Variants in CNOT10 observed in about 807,000 individuals in gnomAD.
CNOT10 encodes CCR4-NOT transcription complex, subunit 10.
A neutral mutation model predicts 94.6 loss-of-function variants in CNOT10; 30 were observed. The observed-to-expected ratio is 0.32, with a 90% CI of 0.24 to 0.43. The LOEUF (loss-of-function observed/expected upper bound fraction) is 0.43, where lower values mean the gene tolerates loss of function less well. Ranked by LOEUF, CNOT10 falls within the 20% of genes least tolerant of loss-of-function variation. CNOT10 has a pLI of 1.00. For synonymous variants in CNOT10, 289 were observed against 301.6 expected (o/e 0.96, Z 0.43); for missense variants, 759 against 877.2 (o/e 0.87, Z 1.70).
In CNOT10 at chr3:32,727,683, G is replaced by T; in HGVS notation, c.1028G>T (p.Gly343Val). 1 of 1,612,124 alleles carries T rather than the reference G, an allele frequency of 6.2e-7. No homozygotes were observed. Among genetic ancestry groups the T allele is most frequent in the Non-Finnish European group, 8.5e-7 (1 of 1,178,926 alleles). The change falls in exon 10 of 19, where the codon GGA (glycine) becomes GTA (valine). Residue 343 changes from glycine (G) to valine (V), a missense_variant. Gly to Val is a moderately radical substitution (Grantham distance 109). Coordinates refer to ENST00000328834, the MANE Select transcript of CNOT10 (RefSeq NM_015442.3). ...TTATCACTAGGTAAAAAATTTTCAGGAAGACCCATGTGTACGTTACTAACC... is the reference window on the plus strand; with the variant it reads ...TTATCACTAGGTAAAAAATTTTCAGTAAGACCCATGTGTACGTTACTAACC... ...GSTDPGKKFS[G>V]RPMCTLLTNK... is the part of the protein sequence containing the mutation.
At chr3:32,732,653 C>G (rs893900168) in intron 10 of CNOT10, among the ~76,000 whole-genome samples, 1 of 151,760 alleles carries the variant, frequency 6.6e-6, no homozygotes, top group African/African-American at 2.4e-5. Context: ...GTTGCCCAGG[C>G]TGGTCTCACA....
intron 1 of CNOT10, among the ~76,000 whole-genome samples, chr3:32,690,356 T>A (rs935982440): frequency 6.6e-6 from 1 of 152,160 alleles, no homozygotes; most frequent in Admixed American, 6.6e-5. Context: ...TTAAATGATA[T>A]AATCTCAGGC....
chr3:32,748,413 A>G (rs917966150), intron 13 of CNOT10, among the ~76,000 whole-genome samples: 3 of 152,188 alleles, frequency 2.0e-5, no homozygotes, highest in East Asian at 1.9e-4. Context: ...TCTTTGATTT[A>G]GATGTGAATG....
chr3:32,704,958 C>T lies in CNOT10; in HGVS notation c.265C>T (p.Gln89Ter). The T allele has an allele frequency of 6.5e-7, 1 of 1,534,326 alleles. No individual in the cohort carries two copies. The highest frequency in any genetic ancestry group is 8.7e-7 in the Non-Finnish European group (1 of 1,152,782). ...TTDNLRQTLN[Q>*]LKNQVHSAVE... ...AGATAATTTGAGACAAACACTTAACCAGCTGAAGAATCAGGTGATACATAA... is the reference window on the plus strand; with the variant it reads ...AGATAATTTGAGACAAACACTTAACTAGCTGAAGAATCAGGTGATACATAA... The change falls in exon 3 of 19, where the codon CAG becomes TAG. Residue 89 changes from glutamine to a stop codon, truncating the protein, a stop_gained. Transcript: ENST00000328834. LOFTEE classifies it high-confidence loss of function.
In CNOT10 at chr3:32,766,547, G is replaced by C. The variant is rs11928881; in HGVS notation, c.2004+1738G>C. The stretch of plus-strand genomic sequence containing the variant: ...ACTCGGGCGGCTGAGGCAGGAGAAT[G>C]GCATGAACCCGGGAGGTGGAGCTTG... On this transcript the variant is annotated intron_variant, in intron 17 of 18. Coordinates refer to ENST00000328834, the MANE Select transcript of CNOT10 (RefSeq NM_015442.3). Among the ~76,000 whole-genome samples, 13 of 11,350 alleles carry C rather than the reference G, an allele frequency of 1.1e-3. 1 individual carries two copies. The highest frequency in any genetic ancestry group is 2.5e-3 in the Admixed American group (2 of 800). 7.4% of individuals were successfully genotyped at this position (11,350 alleles called of 152,430 possible).
At chr3:32,710,780 G>T (rs113301401) in intron 4 of CNOT10, among the ~76,000 whole-genome samples, 3,348 of 152,128 alleles carry the variant, frequency 0.022, 49 homozygotes, top group East Asian at 0.047. Flanking sequence ...GAGTGCAGTG[G>T]CGTGAACTCC....
intron 13 of CNOT10, chr3:32,753,577 G>C (rs1222204421): frequency 6.3e-7 from 1 of 1,586,640 alleles, no homozygotes; most frequent in Non-Finnish European, 8.6e-7. Flanking sequence ...GGAAAAGCTA[G>C]AGGAGCAAGG....
At chr3:32,715,997 C>T (rs532031980) in intron 5 of CNOT10, 3 of 358,522 alleles carry the variant, frequency 8.4e-6, no homozygotes, top group Non-Finnish European at 1.0e-5. Flanking sequence ...TGTAGAGATG[C>T]GATTTTGCCA....
At chr3:32,700,171 T>G (rs1697270567) in intron 1 of CNOT10, among the ~76,000 whole-genome samples, 1 of 151,970 alleles carries the variant, frequency 6.6e-6, no homozygotes, top group African/African-American at 2.4e-5. Flanking sequence ...AGATGGGGTT[T>G]TACCATGTTG....
In CNOT10 at chr3:32,685,359, T is replaced by C. The variant is rs557261744; in HGVS notation, c.-102T>C. The C allele has an allele frequency of 1.4e-6, 2 of 1,392,578 alleles. No homozygotes were observed. The highest frequency in any genetic ancestry group is 2.5e-5 in the East Asian group (1 of 39,752). The allele number at this position is 1,392,578 out of a possible 1,614,324, so 86.3% of individuals were successfully genotyped here. ...GGAACCTGGGGGCCCGGAGCCGGGG[T>C]AGGCACAGAGTTGTCCTCGGAGGTC... is the stretch of plus-strand genomic sequence containing the variant. On this transcript the variant is annotated 5_prime_UTR_variant, in exon 1 of 19. Coordinates refer to ENST00000328834, the MANE Select transcript of CNOT10 (RefSeq NM_015442.3).
At chr3:32,689,807 T>C (rs1696776513) in intron 1 of CNOT10, among the ~76,000 whole-genome samples, 2 of 151,954 alleles carry the variant, frequency 1.3e-5, no homozygotes, top group Admixed American at 1.3e-4. Context: ...AAAAAAAAAT[T>C]AGCTAGGCAT....
Position 32,704,869 on chromosome 3 carries a change from A to T in CNOT10, c.176A>T (p.Asp59Val), listed in dbSNP as rs749556054. ...HLACLQDINK[D>V]DYKIILNTAV... ...GCCTGTCTACAAGATATAAACAAAG[A>T]TGATTATAAAATAATTTTGAATACA... Residue 59 changes from aspartate (D) to valine (V), a missense_variant, in exon 3 of 19, where the codon GAT becomes GTT. Asp to Val is a radical substitution (Grantham distance 152). Transcript: ENST00000328834. 8.3e-6 allele frequency: 13 copies of T among 1,575,716 alleles called. No individual in the cohort carries two copies. The highest frequency in any genetic ancestry group is 1.1e-5 in the Non-Finnish European group (13 of 1,168,914).
At position 32,759,831 on chromosome 3, in the gene CNOT10, TAAGTC is replaced by T. The variant is rs200299111; in HGVS notation, c.1709+266_1709+270del. The stretch of plus-strand genomic sequence containing the variant: ...CACTGCAGCACTTTAATTCTCCAAA[TAAGTC>T]AAGTCCTCAGAGAGAAGACCTACAA... On this transcript the variant is annotated intron_variant, in intron 14 of 18. Coordinates refer to ENST00000328834, the MANE Select transcript of CNOT10 (RefSeq NM_015442.3). 9.1e-3 allele frequency among the ~76,000 whole-genome samples: 1,384 copies of T among 152,236 alleles called. 6 individuals carry two copies. Among genetic ancestry groups the T allele is most frequent in the Non-Finnish European group, 0.016 (1,061 of 68,030 alleles).
At chr3:32,764,336 C>CAA (rs753565203) in intron 15 of CNOT10, 119 bp from the exon 16 acceptor site, 13,572 of 799,452 alleles carry the variant, frequency 0.017, 99 homozygotes, top group African/African-American at 0.058. Context: ...GGCTCCATCT[C>CAA]AAAAAAAAAA....
intron 3 of CNOT10, among the ~76,000 whole-genome samples, chr3:32,708,209 A>T (rs1375426755): frequency 6.6e-6 from 1 of 152,152 alleles, no homozygotes; most frequent in Non-Finnish European, 1.5e-5. Context: ...GCTATTATTA[A>T]TGTTTAAATT....
chr3:32,696,007 G>GTGTGTGTGTT, intron 1 of CNOT10, among the ~76,000 whole-genome samples: 1 of 137,242 alleles, frequency 7.3e-6, no homozygotes, highest in South Asian at 2.5e-4. Flanking sequence ...GTGTGTGTGT[G>GTGTGTGTGTT]TGTGTGTGTA....
chr3:32,701,237 ATAAG>A (rs904471931), intron 1 of CNOT10, among the ~76,000 whole-genome samples: 36 of 151,388 alleles, frequency 2.4e-4, no homozygotes, highest in African/African-American at 8.5e-4. Flanking sequence ...ATCTAAATAA[ATAAG>A]TAAAATAAAA....
chr3:32,746,538 G>A (rs1295310318), intron 13 of CNOT10, among the ~76,000 whole-genome samples: 8 of 152,056 alleles, frequency 5.3e-5, no homozygotes, highest in Admixed American at 3.9e-4. Flanking sequence ...CGCAGTTCAC[G>A]ATAAGATATG....
chr3:32,764,427 C>G, intron 15 of CNOT10, 28 bp from the exon 16 acceptor site: 4 of 1,612,104 alleles, frequency 2.5e-6, no homozygotes, highest in Non-Finnish European at 3.4e-6. Context: ...TTGTTCTGCC[C>G]CTCAGATTTA....
Sources: allele counts gnomAD v4.1 joint callset (sites outside exome capture counted in the v4.1 genomes callset), GRCh38; gene constraint gnomAD v4.1.1; transcripts MANE v1.5; gene names NCBI Gene and HGNC (gene_info 2026-07-23, HGNC 2026-07-21).